The following KCNQ5 variants were observed in gnomAD, a reference collection of about 807,000 sequenced individuals.
The protein encoded by KCNQ5 is potassium voltage-gated channel subfamily Q member 5.
Under a neutral mutation model 98.2 loss-of-function variants are expected in KCNQ5, and 30 were observed. The observed-to-expected ratio is 0.31, with a 90% CI of 0.23 to 0.41. The LOEUF (loss-of-function observed/expected upper bound fraction) is 0.41. KCNQ5 is among the 10% of genes least tolerant of loss of function. The pLI is 1.00. For missense variants in KCNQ5, 835 were observed against 1,182.5 expected (o/e 0.71, Z 4.31); for synonymous variants, 458 against 449.4 (o/e 1.02, Z -0.24).
At chr6:73,047,676 C>G (rs1012882155) in intron 3 of KCNQ5, among the ~76,000 whole-genome samples, 3 of 152,176 alleles carry the variant, frequency 2.0e-5, no homozygotes, top group African/African-American at 7.2e-5. Context: ...ACATTCTGTA[C>G]TATCACATGT....
chr6:72,941,578 C>CCTCG lies in KCNQ5; in HGVS notation c.399-62327_399-62326insGCTC, dbSNP rs772101585. Among the ~76,000 whole-genome samples the CCTCG allele has an allele frequency of 9.7e-5, 11 of 113,142 alleles. No individual in the cohort carries two copies. The South Asian group carries it at 2.9e-3, about 29-fold the overall frequency. 74.2% of individuals were successfully genotyped at this position (113,142 alleles called of 152,430 possible). A position where few individuals can be genotyped will look rare whatever the true frequency, so the allele number is the denominator to read the frequency against. On this transcript the variant is annotated intron_variant, in intron 1 of 13. Coordinates refer to ENST00000370398, the MANE Select transcript of KCNQ5 (RefSeq NM_019842.4). ...TCCCTCCCTCCTTCCTTCCTCCTTC[C>CCTCG]CTCCCTCCCTTCCTTCCTCCCTTAA...
intron 5 of KCNQ5, among the ~76,000 whole-genome samples, chr6:73,080,089 G>T (rs1773705398): frequency 6.6e-6 from 1 of 152,142 alleles, no homozygotes; most frequent in Non-Finnish European, 1.5e-5. Flanking sequence ...TTGCTGTATT[G>T]TGTGTTAAAC....
chr6:73,013,115 G>A (rs904020498), intron 2 of KCNQ5, among the ~76,000 whole-genome samples: 1 of 152,068 alleles, frequency 6.6e-6, no homozygotes, highest in Non-Finnish European at 1.5e-5. Flanking sequence ...ATCTGTGTAA[G>A]AGTTTTCTCA....
intron 3 of KCNQ5, among the ~76,000 whole-genome samples, chr6:73,072,423 G>T (rs1216795461): frequency 1.3e-5 from 2 of 152,188 alleles, no homozygotes; most frequent in Admixed American, 6.5e-5. Flanking sequence ...ACAAAACACA[G>T]TCCATCAGGT....
chr6:72,705,264 A>G (rs1414147747), intron 1 of KCNQ5, among the ~76,000 whole-genome samples: 5 of 152,198 alleles, frequency 3.3e-5, no homozygotes, highest in African/African-American at 1.2e-4. Flanking sequence ...ATTAGAATTC[A>G]CTGCGTGTCT....
chr6:72,633,419 T>C (rs1212089038), intron 1 of KCNQ5, among the ~76,000 whole-genome samples: 1 of 152,224 alleles, frequency 6.6e-6, no homozygotes, highest in Non-Finnish European at 1.5e-5. Flanking sequence ...GGAAAAACAT[T>C]CCATGCTCAT....
chr6:72,732,811 C>T (rs1561948583), intron 1 of KCNQ5, among the ~76,000 whole-genome samples: 1 of 151,970 alleles, frequency 6.6e-6, no homozygotes, highest in African/African-American at 2.4e-5. Context: ...AGAGCTTAAA[C>T]AAAGTAAAGA....
chr6:73,040,165 G>T (rs768404549), intron 2 of KCNQ5, among the ~76,000 whole-genome samples: 15 of 152,188 alleles, frequency 9.9e-5, no homozygotes, highest in Non-Finnish European at 2.2e-4. Flanking sequence ...GCATATATCT[G>T]TCATTTGTTA....
chr6:72,910,829 T>C (rs181076745), intron 1 of KCNQ5, among the ~76,000 whole-genome samples: 48 of 152,258 alleles, frequency 3.2e-4, no homozygotes, highest in African/African-American at 1.1e-3. Flanking sequence ...ACTCACTCTA[T>C]GAGCAGCACG....
rs527366415 is a variant in KCNQ5 at position 72,668,243 on chromosome 6, A to G, written c.398+45656A>G. ...AAAATTTTAAAAGTTATTTCTTAAA[A>G]AAGGAAAGTTGACAGCCCAAATCAA... On this transcript the variant is annotated intron_variant, in intron 1 of 13. Coordinates refer to ENST00000370398, the MANE Select transcript of KCNQ5 (RefSeq NM_019842.4). Among the ~76,000 whole-genome samples the G allele has an allele frequency of 1.4e-3, 209 of 152,324 alleles. 1 individual carries two copies. The highest frequency in any genetic ancestry group is 2.5e-3 in the Non-Finnish European group (173 of 68,026).
chr6:73,030,820 C>A (rs547799805), intron 2 of KCNQ5, among the ~76,000 whole-genome samples: 7 of 152,336 alleles, frequency 4.6e-5, no homozygotes, highest in African/African-American at 7.2e-5. Context: ...CCTCTGAAAG[C>A]CATGATCCCA....
chr6:72,997,030 G>A (rs961093821), intron 1 of KCNQ5, among the ~76,000 whole-genome samples: 11 of 152,128 alleles, frequency 7.2e-5, no homozygotes, highest in African/African-American at 2.4e-5. Context: ...CAAGGAGAGC[G>A]AACTCAGGAG....
chr6:72,725,672 A>G (rs773352216), intron 1 of KCNQ5, among the ~76,000 whole-genome samples: 1 of 152,146 alleles, frequency 6.6e-6, no homozygotes, highest in Non-Finnish European at 1.5e-5. Context: ...GAGATTTTAA[A>G]TGTTTTCACC....
chr6:73,185,255 C>T (rs1387753882), intron 11 of KCNQ5, among the ~76,000 whole-genome samples: 1 of 152,160 alleles, frequency 6.6e-6, no homozygotes, highest in Admixed American at 6.5e-5. Context: ...TGTCAAGGCT[C>T]ACTGTAGCCT....
intron 10 of KCNQ5, among the ~76,000 whole-genome samples, chr6:73,166,527 C>G (rs1363250452): frequency 1.6e-5 from 1 of 63,550 alleles, no homozygotes; most frequent in East Asian, 6.4e-4. Context: ...AAAAAAAAAA[C>G]TCTTATTACT....
chr6:72,781,555 AT>A (rs1773475670), intron 1 of KCNQ5, among the ~76,000 whole-genome samples: 1 of 152,076 alleles, frequency 6.6e-6, no homozygotes, highest in Non-Finnish European at 1.5e-5. Flanking sequence ...TCTTTATTGC[AT>A]TTCACTGTCA....
intron 1 of KCNQ5, among the ~76,000 whole-genome samples, chr6:73,000,138 A>G (rs1276135773): frequency 6.6e-6 from 1 of 152,126 alleles, no homozygotes; most frequent in East Asian, 1.9e-4. Context: ...GCATGCATAC[A>G]TGCGCACAGG....
intron 1 of KCNQ5, among the ~76,000 whole-genome samples, chr6:72,867,896 T>G (rs576188743): frequency 5.3e-5 from 8 of 151,992 alleles, no homozygotes; most frequent in Non-Finnish European, 1.2e-4. Context: ...GATCAGCCAC[T>G]GCACTCCAGG....
chr6:72,833,657 T>G (rs902168803), intron 1 of KCNQ5, among the ~76,000 whole-genome samples: 4 of 152,268 alleles, frequency 2.6e-5, no homozygotes, highest in East Asian at 1.9e-4. Context: ...AAATTTTGCT[T>G]CTTCTTTGCT....
Sources: gnomAD v4.1 joint callset for allele counts (sites outside exome capture counted in the v4.1 genomes callset) on GRCh38, gnomAD v4.1.1 for gene constraint, MANE v1.5 for transcripts, NCBI Gene and HGNC (gene_info 2026-07-23, HGNC 2026-07-21) for gene names.